DUX4: variants seen among roughly 807,000 people sequenced by gnomAD.
DUX4 encodes the protein double homeobox 4, also known as double homeobox protein 4.
At chr4:190,179,173 C>T (rs1579835170), downstream of DUX4, among the ~76,000 whole-genome samples, 1,173 of 147,076 alleles carry the variant, frequency 8.0e-3, no homozygotes, top group Admixed American at 0.014. Context: ...TTGCAATGCC[C>T]CTGTAGGCAG....
downstream of DUX4, among the ~76,000 whole-genome samples, chr4:190,177,157 A>AGAGTTATGTCAAAACG (rs1742345485): frequency 6.0e-5 from 9 of 150,796 alleles, no homozygotes; most frequent in East Asian, 2.0e-4. Context: ...GAGTTACATC[A>AGAGTTATGTCAAAACG]CCTAGATGAT....
intron 1 of DUX4, chr4:190,182,022 A>G (rs1206720776): frequency 8.8e-6 from 1 of 113,982 alleles, no homozygotes; most frequent in African/African-American, 2.6e-5. Flanking sequence ...TGATCAGTGC[A>G]GAGATCTATC....
At chr4:190,183,448 A>T (rs1202839866) in intron 1 of DUX4, 5 of 99,396 alleles carry the variant, frequency 5.0e-5, no homozygotes, top group Admixed American at 1.4e-4. Flanking sequence ...CAACAGAGCT[A>T]GTATTTACAT....
Position 190,175,244 on chromosome 4 carries a change from G to C in DUX4, c.*196G>C, listed in dbSNP as rs1423647601. On this transcript the variant is annotated 3_prime_UTR_variant, in exon 1 of 2. Coordinates refer to ENST00000565211, the MANE Select transcript of DUX4 (RefSeq NM_001306068.3). Reference sequence around the variant, plus strand: ...CCGCGGAGAACTGCCTTTCTTTCCTGGGCATCCCGGGGATCCCAGAGCCGG... The same window carrying C: ...CCGCGGAGAACTGCCTTTCTTTCCTCGGCATCCCGGGGATCCCAGAGCCGG... 0.016 allele frequency: 1,694 copies of C among 106,360 alleles called. No homozygotes were observed. Among genetic ancestry groups the C allele is most frequent in the South Asian group, 0.029 (164 of 5,754 alleles). 6.6% of individuals were successfully genotyped at this position (106,360 alleles called of 1,614,324 possible).
At chr4:190,176,676 C>T (rs1742316187), downstream of DUX4, among the ~76,000 whole-genome samples, 1 of 118,822 alleles carries the variant, frequency 8.4e-6, no homozygotes, top group African/African-American at 2.6e-5. Flanking sequence ...AGAGTTTCAT[C>T]ACTTGGTTGA....
At chr4:190,179,823 G>T (rs1579836061), downstream of DUX4, among the ~76,000 whole-genome samples, 1 of 151,858 alleles carries the variant, frequency 6.6e-6, no homozygotes, top group Admixed American at 6.5e-5. Flanking sequence ...CATCACTTAG[G>T]TGATCAGTGC....
At chr4:190,176,201 C>T (rs1742296967), downstream of DUX4, among the ~76,000 whole-genome samples, 1 of 113,268 alleles carries the variant, frequency 8.8e-6, no homozygotes, top group Non-Finnish European at 2.1e-5. Context: ...GTTACATCAC[C>T]TGTTTGAGCA....
chr4:190,176,629 G>T (rs1579831791), downstream of DUX4, among the ~76,000 whole-genome samples: 1 of 118,784 alleles, frequency 8.4e-6, no homozygotes, highest in Non-Finnish European at 1.9e-5. Flanking sequence ...TCAGTGCAGA[G>T]ATGTGTCACA....
downstream of DUX4, among the ~76,000 whole-genome samples, chr4:190,179,208 T>TGGTTGATCATTGCAG (rs1742482106): frequency 6.6e-6 from 1 of 150,690 alleles, no homozygotes; most frequent in Non-Finnish European, 1.5e-5. Context: ...GTACATCACC[T>TGGTTGATCATTGCAG]GGGTGATCAT....
chr4:190,179,832 G>T (rs1742515950), downstream of DUX4, among the ~76,000 whole-genome samples: 2 of 141,268 alleles, frequency 1.4e-5, no homozygotes, highest in African/African-American at 2.5e-5. Context: ...GGTGATCAGT[G>T]CAGAGATATG....
At chr4:190,179,791 A>ATACC (rs1579835988), downstream of DUX4, among the ~76,000 whole-genome samples, 7 of 66,726 alleles carry the variant, frequency 1.0e-4, no homozygotes, top group African/African-American at 4.4e-4. Flanking sequence ...ATGCCCCTGT[A>ATACC]GGCAAGCCTA....
At chr4:190,179,549 C>A (rs1233707927), downstream of DUX4, among the ~76,000 whole-genome samples, 8 of 148,760 alleles carry the variant, frequency 5.4e-5, no homozygotes, top group Admixed American at 1.3e-4. Context: ...GTTATATCAC[C>A]TGGGTGATCA....
At chr4:190,177,163 A>AGATATGTCAAAACGCCCCTCTAGGCAGG, downstream of DUX4, among the ~76,000 whole-genome samples, 1 of 113,768 alleles carries the variant, frequency 8.8e-6, no homozygotes, top group South Asian at 3.9e-4. Context: ...CATCACCTAG[A>AGATATGTCAAAACGCCCCTCTAGGCAGG]TGATCTGTGC....
At chr4:190,177,520 A>ATC (rs1742371880), downstream of DUX4, among the ~76,000 whole-genome samples, 2 of 144,898 alleles carry the variant, frequency 1.4e-5, no homozygotes, top group Non-Finnish European at 3.1e-5. Context: ...CAGTGGAGAT[A>ATC]TGTGTCACAA....
downstream of DUX4, among the ~76,000 whole-genome samples, chr4:190,176,565 G>T (rs1318459347): frequency 9.3e-6 from 1 of 107,066 alleles, no homozygotes; most frequent in East Asian, 3.5e-4. Flanking sequence ...GTAATTATTA[G>T]TCATAAAGCC....
chr4:190,177,060 T>A (rs1380861341), downstream of DUX4, among the ~76,000 whole-genome samples: 1 of 127,724 alleles, frequency 7.8e-6, no homozygotes, highest in African/African-American at 2.7e-5. Flanking sequence ...AATCCCCCTC[T>A]AGGCAGAGTA....
downstream of DUX4, among the ~76,000 whole-genome samples, chr4:190,177,211 ATGAGTGT>A (rs1742352272): frequency 2.5e-4 from 14 of 55,078 alleles, no homozygotes; most frequent in South Asian, 1.5e-3. Context: ...CAGAGCCTAG[ATGAGTGT>A]TACATCACCT....
chr4:190,181,539 T>A (rs1579837687), intron 1 of DUX4, among the ~76,000 whole-genome samples: 955 of 137,272 alleles, frequency 7.0e-3, no homozygotes, highest in African/African-American at 8.4e-3. Context: ...ACCTCGGTGA[T>A]CAATGCAGCG....
intron 1 of DUX4, among the ~76,000 whole-genome samples, chr4:190,181,634 CTGT>C (rs1742587709): frequency 3.2e-3 from 27 of 8,444 alleles, no homozygotes; most frequent in Non-Finnish European, 3.9e-3. Flanking sequence ...AGAAAGCCCC[CTGT>C]AGGCAGAGCC....
Sources: gnomAD v4.1 joint callset for allele counts (sites outside exome capture counted in the v4.1 genomes callset) on GRCh38, gnomAD v4.1.1 for gene constraint, MANE v1.5 for transcripts, NCBI Gene and HGNC (gene_info 2026-07-23, HGNC 2026-07-21) for gene names.